The following THBD variants were observed in gnomAD, a reference collection of about 807,000 sequenced individuals.
The protein encoded by THBD is CD141 antigen.
For synonymous variants in THBD, 449 were observed against 374.2 expected, an observed-to-expected ratio of 1.20 and a Z score of -2.31; for missense variants, 850 against 816.9, an observed-to-expected ratio of 1.04 and a Z score of -0.49.
rs371696323 is a variant in THBD at position 23,048,701 on chromosome 20, T to A, written c.804A>T (p.Pro268=). ...CGTCTGCCTGCAGGGCGGCGCCGGC[T>A]GGGCACTGGCAGCGGGGAGCCCCAG... The part of the protein sequence containing the change: ...AIPGAPRCQC[P]AGAALQADGR... Residue 268 remains proline (P), a synonymous_variant, in exon 1 of 1, where the codon CCA becomes CCT. Coordinates refer to ENST00000377103, the MANE Select transcript of THBD (RefSeq NM_000361.3). 1.9e-6 allele frequency: 3 copies of A among 1,583,556 alleles called. No homozygotes were observed. In the African/African-American group the frequency reaches 4.0e-5, roughly 21 times the overall value.
rs375737788 is a variant in THBD, at chr20:23,046,350, A to G, written c.*1427T>C. ...TTGGCCTGCTACTTATAACTGATCT[A>G]TATTTCATGTATTCCAGAAAATTGG... On this transcript the variant is annotated 3_prime_UTR_variant, in exon 1 of 1. Coordinates refer to ENST00000377103, the MANE Select transcript of THBD (RefSeq NM_000361.3). The G allele has an allele frequency of 7.9e-5, 12 of 152,264 alleles. No homozygotes were observed. The highest frequency in any genetic ancestry group is 1.3e-4 in the Non-Finnish European group (9 of 68,038). The allele number at this position is 152,264 out of a possible 1,614,324, so 9.4% of individuals were successfully genotyped here. A position where few individuals can be genotyped will look rare whatever the true frequency, so the allele number is the denominator to read the frequency against.
Position 23,046,609 on chromosome 20 carries a change from A to T in THBD, c.*1168T>A, listed in dbSNP as rs1600408449. On this transcript the variant is annotated 3_prime_UTR_variant, in exon 1 of 1. Transcript: ENST00000377103. ...GATTAAGGCTAGGCCCTAATTGGGC[A>T]TCCTCCAGGATCCATTCCCAAGCTC... is the stretch of plus-strand genomic sequence containing the variant. 6.6e-6 allele frequency: 1 copy of T among 152,350 alleles called. No homozygotes were observed. Among genetic ancestry groups the T allele is most frequent in the East Asian group, 1.9e-4 (1 of 5,184 alleles). The allele number at this position is 152,350 out of a possible 1,614,324, so 9.4% of individuals were successfully genotyped here. A position where few individuals can be genotyped will look rare whatever the true frequency, so the allele number is the denominator to read the frequency against.
rs1255179066 is a variant in THBD at position 23,049,481 on chromosome 20, G to A, written c.24C>T (p.Gly8=). 1.9e-6 allele frequency: 3 copies of A among 1,541,268 alleles called. No individual in the cohort carries two copies. The highest frequency in any genetic ancestry group is 8.7e-7 in the Non-Finnish European group (1 of 1,144,046). Residue 8 remains glycine, a synonymous_variant, in exon 1 of 1, where the codon GGC becomes GGT. Transcript: ENST00000377103. MLGVLVL[G]ALALAGLGFP... ...ACCCCAGGCCGGCCAGGGCCAGCGCGCCAAGGACCAGGACCCCAAGCATGT... is the reference window on the plus strand; with the variant it reads ...ACCCCAGGCCGGCCAGGGCCAGCGCACCAAGGACCAGGACCCCAAGCATGT...
chr20:23,047,599 C>T lies in THBD; in HGVS notation c.*178G>A, dbSNP rs1984602591. The T allele has an allele frequency of 5.4e-6, 4 of 739,606 alleles. No individual in the cohort carries two copies. The South Asian group carries it at 7.5e-5, about 14-fold the overall frequency. 45.8% of individuals were successfully genotyped at this position (739,606 alleles called of 1,614,324 possible). A position where few individuals can be genotyped will look rare whatever the true frequency, so the allele number is the denominator to read the frequency against. ...TGACGTCACGGAAGAGGCCGAGGCTCATTCTCCTCCCTCTAATCACCCCCT... is the reference window on the plus strand; with the variant it reads ...TGACGTCACGGAAGAGGCCGAGGCTTATTCTCCTCCCTCTAATCACCCCCT... On this transcript the variant is annotated 3_prime_UTR_variant, in exon 1 of 1. Coordinates refer to ENST00000377103, the MANE Select transcript of THBD (RefSeq NM_000361.3).
chr20:23,047,510 G>C lies in THBD; in HGVS notation c.*267C>G. 1.8e-6 allele frequency: 1 copy of C among 563,614 alleles called. No homozygotes were observed. The highest frequency in any genetic ancestry group is 2.4e-5 in the South Asian group (1 of 41,940). The allele number at this position is 563,614 out of a possible 1,614,324, so 34.9% of individuals were successfully genotyped here. A position where few individuals can be genotyped will look rare whatever the true frequency, so the allele number is the denominator to read the frequency against. ...TCACCCTCCTGCGCCCGGTAGTGAG[G>C]ACCTGGGACAAATCGCAGTCTGTGT... On this transcript the variant is annotated 3_prime_UTR_variant, in exon 1 of 1. Transcript: ENST00000377103.
Position 23,047,661 on chromosome 20 carries a change from G to A in THBD, c.*116C>T, listed in dbSNP as rs376256445. On this transcript the variant is annotated 3_prime_UTR_variant, in exon 1 of 1. Coordinates refer to ENST00000377103, the MANE Select transcript of THBD (RefSeq NM_000361.3). Reference sequence around the variant, plus strand: ...CATGGAATAGAAGAAAACAGCTTGGGGGGTGCGGGGAGGGTCTTCTCCAGC... The same window carrying A: ...CATGGAATAGAAGAAAACAGCTTGGAGGGTGCGGGGAGGGTCTTCTCCAGC... 8 of 1,279,206 alleles carry A rather than the reference G, an allele frequency of 6.3e-6. No homozygotes were observed. The highest frequency in any genetic ancestry group is 5.1e-5 in the East Asian group (2 of 39,162). 79.2% of individuals were successfully genotyped at this position (1,279,206 alleles called of 1,614,324 possible).
Position 23,048,056 on chromosome 20 carries a change from G to T in THBD, c.1449C>A (p.Gly483=), listed in dbSNP as rs1394803103. The T allele has an allele frequency of 5.6e-6, 9 of 1,612,672 alleles. No homozygotes were observed. Among genetic ancestry groups the T allele is most frequent in the Non-Finnish European group, 7.6e-6 (9 of 1,179,546 alleles). The change falls in exon 1 of 1, where the codon GGC becomes GGA. Residue 483 remains glycine, a synonymous_variant. Transcript: ENST00000377103. ...ARHIGTDCDS[G]KVDGGDSGSG... ...AGCCGCTGTCGCCACCGTCCACCTT[G>T]CCGGAGTCACAGTCGGTGCCAATGT...
Position 23,047,451 on chromosome 20 carries a change from A to AAGGCTGCCC in THBD, c.*325_*326insGGGCAGCCT, listed in dbSNP as rs1451031796. 2.3e-6 allele frequency: 1 copy of AAGGCTGCCC among 443,188 alleles called. No individual in the cohort carries two copies. Among genetic ancestry groups the AAGGCTGCCC allele is most frequent in the Admixed American group, 3.9e-5 (1 of 25,430 alleles). 27.5% of individuals were successfully genotyped at this position (443,188 alleles called of 1,614,324 possible). ...TTAGTCATCCCTAGCCCACGAGGTC[A>AAGGCTGCCC]AGGTCTGCCCAGAAGGCTGCCGACC... On this transcript the variant is annotated 3_prime_UTR_variant, in exon 1 of 1. Coordinates refer to ENST00000377103, the MANE Select transcript of THBD (RefSeq NM_000361.3).
chr20:23,049,247 G>C lies in THBD; in HGVS notation c.258C>G (p.Leu86=), dbSNP rs1344500270. 6.5e-7 allele frequency: 1 copy of C among 1,529,306 alleles called. No homozygotes were observed. Among genetic ancestry groups the C allele is most frequent in the East Asian group, 2.5e-5 (1 of 39,704 alleles). 94.7% of individuals were successfully genotyped at this position (1,529,306 alleles called of 1,614,324 possible). Residue 86 remains leucine, a synonymous_variant, in exon 1 of 1, where the codon CTC becomes CTG. Transcript: ENST00000377103. ...NGDGGVGRRR[L]WIGLQLPPGC... ...CGGGTGGCAGCTGCAGGCCGATCCA[G>C]AGGCGCCGGCGGCCAACGCCGCCGT...
rs1800578 is a variant in THBD at position 23,048,022 on chromosome 20, G to A, written c.1483C>T (p.Pro495Ser). ...VDGGDSGSGE[P>S]PPSPTPGSTL... is the part of the protein sequence containing the mutation. ...GAGCCGGGCGTCGGGCTGGGCGGGGGCTCGCCAGAGCCGCTGTCGCCACCG... is the reference window on the plus strand; with the variant it reads ...GAGCCGGGCGTCGGGCTGGGCGGGGACTCGCCAGAGCCGCTGTCGCCACCG... The change falls in exon 1 of 1, where the codon CCC (proline) becomes TCC (serine). Residue 495 changes from proline to serine, a missense_variant. Coordinates refer to ENST00000377103, the MANE Select transcript of THBD (RefSeq NM_000361.3). 1.4e-3 allele frequency: 2,203 copies of A among 1,609,724 alleles called. 3 individuals carry two copies. Among genetic ancestry groups the A allele is most frequent in the Non-Finnish European group, 1.7e-3 (2,055 of 1,178,310 alleles).
Position 23,048,767 on chromosome 20 carries a change from G to A in THBD, c.738C>T (p.Ser246=), listed in dbSNP as rs1984652881. The A allele has an allele frequency of 1.3e-6, 2 of 1,554,700 alleles. No individual in the cohort carries two copies. The highest frequency in any genetic ancestry group is 1.9e-5 in the Admixed American group (1 of 53,478). The part of the protein sequence containing the change: ...AREAPGAWDC[S]VENGGCEHAC... Reference sequence around the variant, plus strand: ...CGTGCTCGCAGCCGCCGTTCTCCACGCTGCAGTCCCAAGCGCCCGGCGCCT... The same window carrying A: ...CGTGCTCGCAGCCGCCGTTCTCCACACTGCAGTCCCAAGCGCCCGGCGCCT... Residue 246 remains serine (S), a synonymous_variant, in exon 1 of 1, where the codon AGC becomes AGT. Coordinates refer to ENST00000377103, the MANE Select transcript of THBD (RefSeq NM_000361.3).
chr20:23,049,531 G>T lies in THBD; in HGVS notation c.-27C>A, dbSNP rs13306850. ...TTACCCAGGCGCGCCGCGTGCAGGCGCCGGGGAAAGCGCGGGCACTGCGAC... is the reference window on the plus strand; with the variant it reads ...TTACCCAGGCGCGCCGCGTGCAGGCTCCGGGGAAAGCGCGGGCACTGCGAC... On this transcript the variant is annotated 5_prime_UTR_variant, in exon 1 of 1. Coordinates refer to ENST00000377103, the MANE Select transcript of THBD (RefSeq NM_000361.3). The T allele has an allele frequency of 6.5e-6, 10 of 1,532,576 alleles. No individual in the cohort carries two copies. Among genetic ancestry groups the T allele is most frequent in the Non-Finnish European group, 8.8e-6 (10 of 1,138,276 alleles). The allele number at this position is 1,532,576 out of a possible 1,614,324, so 94.9% of individuals were successfully genotyped here.
Position 23,048,897 on chromosome 20 carries a change from T to C in THBD, c.608A>G (p.Asp203Gly). Residue 203 changes from aspartate (D) to glycine (G), a missense_variant, in exon 1 of 1, where the codon GAC becomes GGC. By Grantham distance (94) the Asp-to-Gly change is moderately conservative (BLOSUM62 -1). Transcript: ENST00000377103. Reference protein sequence around the residue: ...YGTPFAARGADFQALPVGSSA... With the variant: ...YGTPFAARGAGFQALPVGSSA... ...GCTGCCCACCGGCAGCGCCTGGAAG[T>C]CCGCTCCGCGGGCCGCGAACGGGGT... The C allele has an allele frequency of 6.6e-7, 1 of 1,519,018 alleles. No homozygotes were observed. 94.1% of individuals were successfully genotyped at this position (1,519,018 alleles called of 1,614,324 possible). A position where few individuals can be genotyped will look rare whatever the true frequency, so the allele number is the denominator to read the frequency against.
chr20:23,047,643 T>C lies in THBD; in HGVS notation c.*134A>G, dbSNP rs1984604705. 9.2e-7 allele frequency: 1 copy of C among 1,090,180 alleles called. No homozygotes were observed. The highest frequency in any genetic ancestry group is 1.3e-6 in the Non-Finnish European group (1 of 777,926). The allele number at this position is 1,090,180 out of a possible 1,614,324, so 67.5% of individuals were successfully genotyped here. A position where few individuals can be genotyped will look rare whatever the true frequency, so the allele number is the denominator to read the frequency against. Reference sequence around the variant, plus strand: ...ACCCCCTCGCCAGTTAGCCATGGAATAGAAGAAAACAGCTTGGGGGGTGCG... The same window carrying C: ...ACCCCCTCGCCAGTTAGCCATGGAACAGAAGAAAACAGCTTGGGGGGTGCG... On this transcript the variant is annotated 3_prime_UTR_variant, in exon 1 of 1. Transcript: ENST00000377103.
In THBD at chr20:23,049,071, G is replaced by C; in HGVS notation, c.434C>G (p.Ala145Gly). The C allele has an allele frequency of 6.4e-7, 1 of 1,572,794 alleles. No homozygotes were observed. Among genetic ancestry groups the C allele is most frequent in the Non-Finnish European group, 8.6e-7 (1 of 1,161,316 alleles). The change falls in exon 1 of 1, where the codon GCC (alanine) becomes GGC (glycine). Residue 145 changes from alanine to glycine, a missense_variant. Coordinates refer to ENST00000377103, the MANE Select transcript of THBD (RefSeq NM_000361.3). ...PLCVAVSAAE[A>G]TVPSEPIWEE... ...CCAGATCGGCTCGCTGGGCACAGTG[G>C]CCTCAGCAGCGGAGACAGCGACGCA...
Position 23,047,596 on chromosome 20 carries a change from G to A in THBD, c.*181C>T. The A allele has an allele frequency of 1.4e-6, 1 of 721,516 alleles. No homozygotes were observed. Among genetic ancestry groups the A allele is most frequent in the Non-Finnish European group, 2.2e-6 (1 of 448,254 alleles). The allele number at this position is 721,516 out of a possible 1,614,324, so 44.7% of individuals were successfully genotyped here. On this transcript the variant is annotated 3_prime_UTR_variant, in exon 1 of 1. Transcript: ENST00000377103. ...CAGTGACGTCACGGAAGAGGCCGAG[G>A]CTCATTCTCCTCCCTCTAATCACCC...
rs1009914342 is a variant in THBD, at chr20:23,046,128, T to C, written c.*1649A>G. ...GTTTACAAAATAGAAGAGGAAAACC[T>C]TTGTCTTACAAAAGTTACATTTCTA... On this transcript the variant is annotated 3_prime_UTR_variant, in exon 1 of 1. Transcript: ENST00000377103. 1.3e-5 allele frequency: 2 copies of C among 152,568 alleles called. No homozygotes were observed. Among genetic ancestry groups the C allele is most frequent in the African/African-American group, 4.8e-5 (2 of 41,464 alleles). The allele number at this position is 152,568 out of a possible 1,614,324, so 9.5% of individuals were successfully genotyped here.
chr20:23,049,077 G>A lies in THBD; in HGVS notation c.428C>T (p.Ala143Val), dbSNP rs1447444331. Residue 143 changes from alanine to valine, a missense_variant, in exon 1 of 1, where the codon GCT (alanine) becomes GTT (valine). By Grantham distance (64) the Ala-to-Val change is moderately conservative. Coordinates refer to ENST00000377103, the MANE Select transcript of THBD (RefSeq NM_000361.3). ...CGGCTCGCTGGGCACAGTGGCCTCAGCAGCGGAGACAGCGACGCACAACGG... is the reference window on the plus strand; with the variant it reads ...CGGCTCGCTGGGCACAGTGGCCTCAACAGCGGAGACAGCGACGCACAACGG... ...CGPLCVAVSA[A>V]EATVPSEPIW... 3 of 1,577,328 alleles carry A rather than the reference G, an allele frequency of 1.9e-6. No homozygotes were observed. Among genetic ancestry groups the A allele is most frequent in the Non-Finnish European group, 2.6e-6 (3 of 1,164,096 alleles).
At position 23,048,673 on chromosome 20, in the gene THBD, G is replaced by A. The variant is rs368624365; in HGVS notation, c.832C>T (p.Arg278Cys). The A allele has an allele frequency of 1.3e-6, 2 of 1,587,896 alleles. No individual in the cohort carries two copies. Among genetic ancestry groups the A allele is most frequent in the African/African-American group, 1.3e-5 (1 of 74,826 alleles). ...TGCGTCGCGGATGCGGTGCAGGAGCGCCCGTCTGCCTGCAGGGCGGCGCCG... is the reference window on the plus strand; with the variant it reads ...TGCGTCGCGGATGCGGTGCAGGAGCACCCGTCTGCCTGCAGGGCGGCGCCG... ...PAGAALQADG[R>C]SCTASATQSC... The change falls in exon 1 of 1, where the codon CGC (arginine) becomes TGC (cysteine). Residue 278 changes from arginine (R) to cysteine (C), a missense_variant. Coordinates refer to ENST00000377103, the MANE Select transcript of THBD (RefSeq NM_000361.3).
Sources: allele counts gnomAD v4.1 joint callset, GRCh38; gene constraint gnomAD v4.1.1; transcripts MANE v1.5; gene names NCBI Gene and HGNC (gene_info 2026-07-23, HGNC 2026-07-21).